Variants in PID1 observed in about 807,000 individuals in gnomAD.
PID1 encodes the protein phosphotyrosine interaction domain containing 1.
In PID1, 10 loss-of-function variants were observed where a neutral mutation model predicts 19.1. That is an observed-to-expected ratio of 0.52 (90% CI 0.32 to 0.89). PID1 has a LOEUF of 0.89. Among genes scored for constraint, PID1 ranks in the 40% least tolerant of loss-of-function variants. The pLI, the probability that PID1 is intolerant of heterozygous loss-of-function variation, is 0.03. For synonymous variants in PID1, 130 were observed against 116.0 expected, an observed-to-expected ratio of 1.12 and a Z score of -0.78; for missense variants, 248 against 285.3, an observed-to-expected ratio of 0.87 and a Z score of 0.94.
chr2:229,177,976 G>T (rs1690860969), intron 1 of PID1, among the ~76,000 whole-genome samples: 1 of 151,918 alleles, frequency 6.6e-6, no homozygotes, highest in East Asian at 1.9e-4. Flanking sequence ...GTCCTCCAGG[G>T]TCTCCCCACC....
intron 1 of PID1, among the ~76,000 whole-genome samples, chr2:229,238,375 G>T (rs1689773575): frequency 6.6e-6 from 1 of 152,154 alleles, no homozygotes; most frequent in South Asian, 2.1e-4. Flanking sequence ...ATCTTGGAAA[G>T]TTTCAAAAAC....
At chr2:229,098,895 T>C (rs1695023500) in intron 2 of PID1, among the ~76,000 whole-genome samples, 1 of 152,186 alleles carries the variant, frequency 6.6e-6, no homozygotes, top group African/African-American at 2.4e-5. Flanking sequence ...CTTTATTCCT[T>C]TTCCCCTACT....
intron 1 of PID1, among the ~76,000 whole-genome samples, chr2:229,177,965 T>C (rs557788503): frequency 6.6e-6 from 1 of 152,234 alleles, no homozygotes; most frequent in South Asian, 2.1e-4. Context: ...CTGGGCCACT[T>C]GTCCTCCAGG....
At chr2:229,038,769 C>A (rs1350576769) in intron 2 of PID1, among the ~76,000 whole-genome samples, 2 of 152,104 alleles carry the variant, frequency 1.3e-5, no homozygotes, top group African/African-American at 2.4e-5. Context: ...CCACTCTCTC[C>A]CTTTATGAGG....
At chr2:229,027,106 G>A (rs771011322) in intron 2 of PID1, among the ~76,000 whole-genome samples, 4 of 152,286 alleles carry the variant, frequency 2.6e-5, no homozygotes, top group African/African-American at 4.8e-5. Flanking sequence ...AAGAGGGTCC[G>A]TGGAAACCGT....
intron 2 of PID1, among the ~76,000 whole-genome samples, chr2:229,139,007 GAA>G (rs1171953238): frequency 1.2e-5 from 1 of 86,746 alleles, no homozygotes; most frequent in African/African-American, 4.4e-5. Flanking sequence ...AAGAAAGAAA[GAA>G]AGAAAGAAAG....
intron 2 of PID1, among the ~76,000 whole-genome samples, chr2:229,039,564 G>A (rs189407679): frequency 2.6e-4 from 40 of 152,142 alleles, no homozygotes; most frequent in African/African-American, 3.6e-4. Flanking sequence ...AAAAATGTGC[G>A]GTTAACTAGA....
At chr2:229,169,495 T>C (rs1198542268) in intron 1 of PID1, among the ~76,000 whole-genome samples, 3 of 152,176 alleles carry the variant, frequency 2.0e-5, no homozygotes, top group Non-Finnish European at 4.4e-5. Flanking sequence ...CAGAAACTAG[T>C]AGTAAAATTC....
At chr2:229,093,193 C>A (rs886744171) in intron 2 of PID1, among the ~76,000 whole-genome samples, 27 of 149,826 alleles carry the variant, frequency 1.8e-4, no homozygotes, top group Non-Finnish European at 3.7e-4. Context: ...AAAGCAGTGG[C>A]ACGATCTCAG....
At chr2:229,080,722 TTAAA>T (rs1362065724) in intron 2 of PID1, among the ~76,000 whole-genome samples, 6 of 152,194 alleles carry the variant, frequency 3.9e-5, no homozygotes, top group African/African-American at 9.7e-5. Flanking sequence ...TAAATATTTA[TTAAA>T]TAAACTGTTG....
At chr2:229,112,816 T>C (rs530271051) in intron 2 of PID1, among the ~76,000 whole-genome samples, 2 of 152,260 alleles carry the variant, frequency 1.3e-5, no homozygotes, top group South Asian at 4.1e-4. Context: ...AATGAGTCAC[T>C]GTCTTTCTCT....
At chr2:229,228,448 T>G (rs982554287) in intron 1 of PID1, among the ~76,000 whole-genome samples, 3 of 152,184 alleles carry the variant, frequency 2.0e-5, no homozygotes, top group African/African-American at 7.2e-5. Context: ...CAAAAAGAAT[T>G]TGATTGATTT....
At chr2:229,039,729 A>C (rs1415802479) in intron 2 of PID1, among the ~76,000 whole-genome samples, 1 of 152,224 alleles carries the variant, frequency 6.6e-6, no homozygotes, top group Non-Finnish European at 1.5e-5. Context: ...CATACTAATG[A>C]AAAGTAAAAT....
At chr2:229,102,887 C>A (rs928254882) in intron 2 of PID1, among the ~76,000 whole-genome samples, 1 of 152,176 alleles carries the variant, frequency 6.6e-6, no homozygotes, top group African/African-American at 2.4e-5. Flanking sequence ...GGAGAAGATG[C>A]TGTCTTTCAG....
chr2:229,089,011 T>C (rs1032449414), intron 2 of PID1, among the ~76,000 whole-genome samples: 1 of 152,186 alleles, frequency 6.6e-6, no homozygotes, highest in Non-Finnish European at 1.5e-5. Context: ...ACTGAAAGCC[T>C]GTTTAATATT....
chr2:229,069,752 C>T (rs745457444), intron 2 of PID1, among the ~76,000 whole-genome samples: 70 of 152,144 alleles, frequency 4.6e-4, no homozygotes, highest in Non-Finnish European at 5.3e-4. Context: ...GTCATCCAAT[C>T]GCCTGTATTA....
chr2:229,090,704 A>G (rs1694855099), intron 2 of PID1, among the ~76,000 whole-genome samples: 1 of 152,214 alleles, frequency 6.6e-6, no homozygotes, highest in African/African-American at 2.4e-5. Context: ...CAAACTAGGG[A>G]TGCAATGGAA....
intron 1 of PID1, among the ~76,000 whole-genome samples, chr2:229,252,606 G>T (rs918720907): frequency 6.6e-6 from 1 of 152,144 alleles, no homozygotes; most frequent in Admixed American, 6.5e-5. Context: ...GTAGAGAGGA[G>T]ACATAAATTA....
chr2:229,196,927 C>T (rs1385902391), intron 1 of PID1, among the ~76,000 whole-genome samples: 1 of 151,942 alleles, frequency 6.6e-6, no homozygotes, highest in Non-Finnish European at 1.5e-5. Context: ...CATTGATACA[C>T]TAGTATACCA....
Sources: allele counts gnomAD v4.1 joint callset (sites outside exome capture counted in the v4.1 genomes callset), GRCh38; gene constraint gnomAD v4.1.1; transcripts MANE v1.5; gene names NCBI Gene and HGNC (gene_info 2026-07-23, HGNC 2026-07-21).